The following PRKDC variants were observed in gnomAD, a reference collection of about 807,000 sequenced individuals.
The protein encoded by PRKDC is DNA-dependent protein kinase catalytic subunit.
Under a neutral mutation model 486.9 loss-of-function variants are expected in PRKDC, and 82 were observed. That is an observed-to-expected ratio of 0.17 (90% confidence interval 0.14 to 0.20). The LOEUF is 0.20. Among genes scored for constraint, PRKDC ranks in the 10% least tolerant of loss-of-function variants. The probability of loss-of-function intolerance (pLI) is 1.00; values close to 1 mark genes in which losing one functional copy is unlikely to be tolerated. For synonymous variants in PRKDC, 1,895 were observed against 1,837.0 expected (o/e 1.03, Z -0.81); for missense variants, 4,504 against 5,038.2 (o/e 0.89, Z 3.21).
intron 7 of PRKDC, among the ~76,000 whole-genome samples, chr8:47,949,030 C>T (rs2090583872): frequency 6.6e-6 from 1 of 152,244 alleles, no homozygotes; most frequent in African/African-American, 2.4e-5. Flanking sequence ...AAGGCATCAG[C>T]AGGGCTGTGC....
At chr8:47,820,294 G>A (rs1034105673) in intron 66 of PRKDC, among the ~76,000 whole-genome samples, 1 of 151,992 alleles carries the variant, frequency 6.6e-6, no homozygotes, top group African/African-American at 2.4e-5. Context: ...CCAGCTACCC[G>A]GGAGGCTGAG....
chr8:47,857,169 A>G lies in PRKDC; in HGVS notation c.6596T>C (p.Leu2199Ser), dbSNP rs2088561134. The G allele has an allele frequency of 6.2e-7, 1 of 1,613,812 alleles. No homozygotes were observed. The highest frequency in any genetic ancestry group is 8.5e-7 in the Non-Finnish European group (1 of 1,179,804). Residue 2199 changes from leucine (L) to serine (S), a missense_variant, in exon 49 of 86, where the codon TTG becomes TCG. Leu to Ser is a moderately radical substitution (Grantham distance 145). Coordinates refer to ENST00000314191, the MANE Select transcript of PRKDC (RefSeq NM_006904.7). ...IVATILSWTG[L>S]ATPTGVPKDE... ...ATCAATCCTTACTGTTGGAGTGGCC[A>G]AGCCTGTCCATGAAAGAATAGTGGC...
intron 80 of PRKDC, among the ~76,000 whole-genome samples, chr8:47,781,625 G>A (rs957177608): frequency 1.3e-5 from 2 of 152,156 alleles, no homozygotes; most frequent in African/African-American, 4.8e-5. Context: ...AAATGTACAT[G>A]TTAATTGTAG....
intron 24 of PRKDC, among the ~76,000 whole-genome samples, chr8:47,912,932 A>G (rs2089929172): frequency 6.6e-6 from 1 of 152,234 alleles, no homozygotes; most frequent in Admixed American, 6.5e-5. Context: ...TAATACACGC[A>G]TACCTCATTT....
Position 47,888,598 on chromosome 8 carries a change from T to C in PRKDC, c.4333A>G (p.Arg1445Gly). ...GACACAACAGCAGCCAGCCTGCTCC[T>C]GTCCACTTGCGCGTCAGGGCCATAC... ...NLYGPDAQVD[R>G]SRLAAVVSAC... is the part of the protein sequence containing the mutation. The change falls in exon 34 of 86, where the codon AGG (arginine) becomes GGG (glycine). Residue 1445 changes from arginine to glycine, a missense_variant. Physicochemically the swap from Arg to Gly is moderately radical, Grantham distance 125. Coordinates refer to ENST00000314191, the MANE Select transcript of PRKDC (RefSeq NM_006904.7). The C allele has an allele frequency of 6.3e-7, 1 of 1,593,088 alleles. No individual in the cohort carries two copies. Among genetic ancestry groups the C allele is most frequent in the Non-Finnish European group, 8.6e-7 (1 of 1,169,334 alleles).
At chr8:47,823,788 T>C in intron 64 of PRKDC, 70 bp downstream of exon 64, 2 of 1,562,878 alleles carry the variant, frequency 1.3e-6, no homozygotes, top group South Asian at 2.3e-5. Flanking sequence ...TCGTTTTGCT[T>C]AAAGTCATAG....
At position 47,845,505 on chromosome 8, in the gene PRKDC, T is replaced by C. The variant is rs964040522; in HGVS notation, c.7280+3649A>G. Among the ~76,000 whole-genome samples, 10 of 152,016 alleles carry C rather than the reference T, an allele frequency of 6.6e-5. No homozygotes were observed. The South Asian group carries it at 1.5e-3, about 22-fold the overall frequency. On this transcript the variant is annotated intron_variant, in intron 54 of 85. Coordinates refer to ENST00000314191, the MANE Select transcript of PRKDC (RefSeq NM_006904.7). ...CAATACAAAAGATCCTCAGAGACTA[T>C]TGTGAACACTCTACGTAAGCAAATT...
rs8178205 is a variant in PRKDC at position 47,819,899 on chromosome 8, C to T, written c.9337-389G>A. 4.0e-3 allele frequency among the ~76,000 whole-genome samples: 607 copies of T among 152,206 alleles called. 4 individuals are homozygous for T. The highest frequency in any genetic ancestry group is 0.025 in the South Asian group (121 of 4,820). ...TCAACACATTAAATAAAAATGAAAA[C>T]AATGAATGAATATGCTTCTATGCTA... On this transcript the variant is annotated intron_variant, in intron 66 of 85. Transcript: ENST00000314191.
rs1292048096 is a variant in PRKDC, at chr8:47,960,038, G to C, written c.89C>G (p.Ala30Gly). The part of the protein sequence containing the change: ...SAADRCGAAL[A>G]GHQLIRGLGQ... ...CAGGCCGCGGATCAGTTGATGACCGGCCAGGGCAGCACCGCAGCGGTCCGC... is the reference window on the plus strand; with the variant it reads ...CAGGCCGCGGATCAGTTGATGACCGCCCAGGGCAGCACCGCAGCGGTCCGC... The change falls in exon 1 of 86, where the codon GCC becomes GGC. Residue 30 changes from alanine to glycine, a missense_variant. Coordinates refer to ENST00000314191, the MANE Select transcript of PRKDC (RefSeq NM_006904.7). 6.5e-7 allele frequency: 1 copy of C among 1,533,874 alleles called. No individual in the cohort carries two copies. The highest frequency in any genetic ancestry group is 8.7e-7 in the Non-Finnish European group (1 of 1,146,546).
Position 47,890,266 on chromosome 8 carries a change from T to C in PRKDC, c.4062A>G (p.Glu1354=). 1 of 1,610,448 alleles carries C rather than the reference T, an allele frequency of 6.2e-7. No homozygotes were observed. The highest frequency in any genetic ancestry group is 2.1e-4 in the Middle Eastern group (1 of 4,686). ...FTTTLLNTSP[E]GWKLLKKDLC... is the part of the protein sequence containing the mutation. Reference sequence around the variant, plus strand: ...TAACAGAGCAGCCTACCTTCCATCCTTCCGGGGAGGTGTTTAGCAGAGTCG... The same window carrying C: ...TAACAGAGCAGCCTACCTTCCATCCCTCCGGGGAGGTGTTTAGCAGAGTCG... Residue 1354 remains glutamate (E), a synonymous_variant, in exon 32 of 86, where the codon GAA becomes GAG. Transcript: ENST00000314191.
chr8:47,916,346 G>A (rs2089982279), intron 22 of PRKDC, among the ~76,000 whole-genome samples: 1 of 152,050 alleles, frequency 6.6e-6, no homozygotes, highest in South Asian at 2.1e-4. Flanking sequence ...TCCTCAGAAG[G>A]CTGAGGCAGG....
At chr8:47,939,423 C>A (rs763997543) in intron 11 of PRKDC, 128 bp downstream of exon 11, 2 of 1,054,464 alleles carry the variant, frequency 1.9e-6, no homozygotes, top group Admixed American at 2.5e-5. Flanking sequence ...GTGCAGTTCA[C>A]GCCCATGTTA....
chr8:47,815,767 AGT>A (rs2087430098), intron 68 of PRKDC, among the ~76,000 whole-genome samples: 1 of 152,240 alleles, frequency 6.6e-6, no homozygotes, highest in Non-Finnish European at 1.5e-5. Flanking sequence ...TTGGGCCAGG[AGT>A]CATCCACAAA....
chr8:47,814,878 T>C (rs1376271543), intron 68 of PRKDC, among the ~76,000 whole-genome samples: 2 of 152,160 alleles, frequency 1.3e-5, no homozygotes, highest in Non-Finnish European at 2.9e-5. Flanking sequence ...ATAAAGAAAG[T>C]TGAGCCAGGT....
chr8:47,950,590 C>CG (rs2090611327), intron 7 of PRKDC, among the ~76,000 whole-genome samples: 1 of 147,582 alleles, frequency 6.8e-6, no homozygotes, highest in African/African-American at 2.5e-5. Flanking sequence ...GATCATGCCA[C>CG]TGCACTCCAG....
At chr8:47,959,549 C>T (rs1181998934) in intron 1 of PRKDC, among the ~76,000 whole-genome samples, 13 of 151,668 alleles carry the variant, frequency 8.6e-5, no homozygotes, top group Non-Finnish European at 1.6e-4. Context: ...CGTGGTGGCG[C>T]GCGCCTGTAA....
intron 7 of PRKDC, among the ~76,000 whole-genome samples, chr8:47,945,247 T>A (rs1157688989): frequency 6.6e-6 from 1 of 152,228 alleles, no homozygotes; most frequent in Non-Finnish European, 1.5e-5. Flanking sequence ...TCTGTTTTTT[T>A]CAATGTGGTA....
Position 47,799,372 on chromosome 8 carries a change from G to C in PRKDC, c.10135C>G (p.Gln3379Glu). ...TCAGAGAGGTGCTGGAATGCTCTCT[G>C]GTACAGACCCGCGATCACCTGGAAT... ...DSEKVIAGLYQRAFQHLSEAV... is the reference protein window; with the variant it reads ...DSEKVIAGLYERAFQHLSEAV... The change falls in exon 72 of 86, where the codon CAG becomes GAG. Residue 3379 changes from glutamine (Q) to glutamate (E), a missense_variant. This residue lies in a region of PRKDC where 1,592 missense variants were observed against 1,724.6 expected (regional missense o/e 0.92). Transcript: ENST00000314191. 6.4e-7 allele frequency: 1 copy of C among 1,570,348 alleles called. No homozygotes were observed. Among genetic ancestry groups the C allele is most frequent in the Non-Finnish European group, 8.6e-7 (1 of 1,161,478 alleles).
chr8:47,792,383 C>G (rs1043600957), intron 74 of PRKDC, among the ~76,000 whole-genome samples: 2 of 151,646 alleles, frequency 1.3e-5, no homozygotes, highest in Admixed American at 6.6e-5. Flanking sequence ...CTCAGCCTCC[C>G]AAGTAGCTGG....
Sources: allele counts gnomAD v4.1 joint callset (sites outside exome capture counted in the v4.1 genomes callset), GRCh38; gene constraint gnomAD v4.1.1; regional missense constraint gnomAD v4.1.1; transcripts MANE v1.5; gene names NCBI Gene and HGNC (gene_info 2026-07-23, HGNC 2026-07-21).